The following PKD1 variants were observed in gnomAD, a reference collection of about 807,000 sequenced individuals.
PKD1 encodes the protein polycystin-1.
A neutral mutation model predicts 361.7 loss-of-function variants in PKD1; 81 were observed. That is an observed-to-expected ratio of 0.22 (90% CI 0.19 to 0.27). The LOEUF is 0.27. Among genes scored for constraint, PKD1 ranks in the 10% least tolerant of loss-of-function variants. The pLI is 1.00. For synonymous variants in PKD1, 3,615 were observed against 2,818.3 expected (o/e 1.28, Z -8.95); for missense variants, 6,399 against 6,118.3 (o/e 1.05, Z -1.53).
At position 2,102,934 on chromosome 16, in the gene PKD1, G is replaced by A. The variant is rs1567175859; in HGVS notation, c.8828C>T (p.Ala2943Val). 2.5e-6 allele frequency: 4 copies of A among 1,608,204 alleles called. No homozygotes were observed. Among genetic ancestry groups the A allele is most frequent in the Non-Finnish European group, 1.7e-6 (2 of 1,179,740 alleles). ...YLSEEPEPYL[A>V]VYLHSEPRPN... The stretch of plus-strand genomic sequence containing the variant: ...CCGGGGCTCCGAGTGTAGGTAGACT[G>A]CCAGGTAGGGCTCAGGTTCCTCAGA... The change falls in exon 24 of 46, where the codon GCA becomes GTA. Residue 2943 changes from alanine to valine, a missense_variant. By Grantham distance (64) the Ala-to-Val change is moderately conservative. Transcript: ENST00000262304.
Position 2,092,982 on chromosome 16 carries a change from G to A in PKD1, c.11128C>T (p.His3710Tyr), listed in dbSNP as rs1393725324. The change falls in exon 38 of 46, where the codon CAC becomes TAC. Residue 3710 changes from histidine to tyrosine, a missense_variant. His to Tyr is a moderately conservative substitution (Grantham distance 83). Transcript: ENST00000262304. ...RLQSAIKQEL[H>Y]SRAFLAITRS... ...GTGATGGCCAGGAAGGCCCGGCTGT[G>A]CAGCTCCTGCTTGATGGCGCTTTGC... 3 of 1,612,988 alleles carry A rather than the reference G, an allele frequency of 1.9e-6. No individual in the cohort carries two copies. Among genetic ancestry groups the A allele is most frequent in the Non-Finnish European group, 8.5e-7 (1 of 1,180,012 alleles).
rs751992221 is a variant in PKD1 at position 2,118,175 on chromosome 16, G to C, written c.817C>G (p.Pro273Ala). 2 of 1,562,448 alleles carry C rather than the reference G, an allele frequency of 1.3e-6. No homozygotes were observed. Among genetic ancestry groups the C allele is most frequent in the Non-Finnish European group, 1.7e-6 (2 of 1,156,694 alleles). The change falls in exon 5 of 46, where the codon CCA becomes GCA. Residue 273 changes from proline (P) to alanine (A), a missense_variant. By Grantham distance (27) the Pro-to-Ala change is conservative (BLOSUM62 -1). Coordinates refer to ENST00000262304, the MANE Select transcript of PKD1 (RefSeq NM_001009944.3). This position sits in a 1 kb window ranked among gnomAD's most constrained non-coding sequence, Gnocchi z 6.0. Reference sequence around the variant, plus strand: ...TGGGGCCCCACCAGGGTGGCCCCTGGGGAGGCAGGGAAGACGTGCTGGAGG... The same window carrying C: ...TGGGGCCCCACCAGGGTGGCCCCTGCGGAGGCAGGGAAGACGTGCTGGAGG... ...TLLQHVFPAS[P>A]GATLVGPHGP...
chr16:2,125,801 C>T (rs183078424), intron 1 of PKD1, among the ~76,000 whole-genome samples: 60 of 152,080 alleles, frequency 3.9e-4, no homozygotes, highest in African/African-American at 1.3e-3. Context: ...TGGAGCCAGG[C>T]GTTGTGACCC....
chr16:2,096,753 G>A (rs1438389401), intron 34 of PKD1: 2 of 231,656 alleles, frequency 8.6e-6, no homozygotes, highest in Non-Finnish European at 1.7e-5. Context: ...CTGACCTCAG[G>A]TCATCTGCCC....
Position 2,106,217 on chromosome 16 carries a change from C to G in PKD1, c.7577G>C (p.Cys2526Ser), listed in dbSNP as rs754128708. The G allele has an allele frequency of 2.5e-6, 4 of 1,610,110 alleles. No individual in the cohort carries two copies. The highest frequency in any genetic ancestry group is 2.7e-5 in the African/African-American group (2 of 74,830). Residue 2526 changes from cysteine to serine, a missense_variant, in exon 19 of 46, where the codon TGT becomes TCT. Cys to Ser is a moderately radical substitution (Grantham distance 112, BLOSUM62 -1). Transcript: ENST00000262304. The surrounding 1 kb of genome is among the most constrained non-coding windows in gnomAD (Gnocchi z 6.5). ...RCRQGHCEEF[C>S]VYKGSLSSYG... ...GCTGGAGAGGCTGCCCTTGTAGACA[C>G]AGAACTCCTCGCAGTGGCCCTGGCG...
rs780161620 is a variant in PKD1 at position 2,103,551 on chromosome 16, A to C, written c.8506T>G (p.Phe2836Val). ...IFLVDSNPFP[F>V]GYISNYTVST... ...ACGGTGTAGTTGCTGATATAGCCAA[A>C]GGGAAAGGGATTGGAGTCCACCAGA... Residue 2836 changes from phenylalanine (F) to valine (V), a missense_variant, in exon 23 of 46, where the codon TTT (phenylalanine) becomes GTT (valine). Phe to Val is a conservative substitution (Grantham distance 50). Coordinates refer to ENST00000262304, the MANE Select transcript of PKD1 (RefSeq NM_001009944.3). 6.2e-7 allele frequency: 1 copy of C among 1,609,580 alleles called. No individual in the cohort carries two copies. The highest frequency in any genetic ancestry group is 8.5e-7 in the Non-Finnish European group (1 of 1,179,686).
chr16:2,101,964 T>G (rs1298541643), intron 26 of PKD1, 97 bp downstream of exon 26: 2 of 769,568 alleles, frequency 2.6e-6, no homozygotes, highest in Non-Finnish European at 4.5e-6. Flanking sequence ...AAAAACTGCC[T>G]TGTTCTGACG....
rs71148122 is a variant in PKD1, at chr16:2,129,541, A to ATT, written c.215+5932_215+5933dup. Among the ~76,000 whole-genome samples the ATT allele has an allele frequency of 3.1e-3, 222 of 72,088 alleles. 9 individuals are homozygous for ATT. Among genetic ancestry groups the ATT allele is most frequent in the African/African-American group, 0.013 (184 of 13,710 alleles). 47.3% of individuals were successfully genotyped at this position (72,088 alleles called of 152,430 possible). A position where few individuals can be genotyped will look rare whatever the true frequency, so the allele number is the denominator to read the frequency against. On this transcript the variant is annotated intron_variant, in intron 1 of 45. Coordinates refer to ENST00000262304, the MANE Select transcript of PKD1 (RefSeq NM_001009944.3). The stretch of plus-strand genomic sequence containing the variant: ...GAGAAATCTCTGTTCAGATCCTGTG[A>ATT]TTTTTTTTTTTTTTTTTTTTTTTTT...
At chr16:2,132,737 G>A (rs938590441) in intron 1 of PKD1, among the ~76,000 whole-genome samples, 4 of 151,750 alleles carry the variant, frequency 2.6e-5, no homozygotes, top group African/African-American at 4.9e-5. Flanking sequence ...GCAGTATTGC[G>A]ATGCCCTCCA....
In PKD1 at chr16:2,102,700, C is replaced by A. The variant is rs553087481; in HGVS notation, c.8949-67G>T. On this transcript the variant is annotated intron_variant, in intron 24 of 45. Coordinates refer to ENST00000262304, the MANE Select transcript of PKD1 (RefSeq NM_001009944.3). ...CAGGTTGGATGTCGCAGTCTCAGAGCCCATACCCGGTCCAGTCCCCTCGCT... is the reference window on the plus strand; with the variant it reads ...CAGGTTGGATGTCGCAGTCTCAGAGACCATACCCGGTCCAGTCCCCTCGCT... The A allele has an allele frequency of 4.5e-5, 73 of 1,608,260 alleles. No homozygotes were observed. The East Asian group carries it at 1.5e-3, about 33-fold the overall frequency.
At position 2,106,683 on chromosome 16, in the gene PKD1, G is replaced by A. The variant is rs759723934; in HGVS notation, c.7210-6C>T. 30 of 1,591,984 alleles carry A rather than the reference G, an allele frequency of 1.9e-5. No homozygotes were observed. Among genetic ancestry groups the A allele is most frequent in the Admixed American group, 1.8e-4 (11 of 59,676 alleles). On this transcript the variant is annotated splice_polypyrimidine_tract_variant and splice_region_variant and intron_variant, in intron 17 of 45. Transcript: ENST00000262304. This position sits in a 1 kb window ranked among gnomAD's most constrained non-coding sequence, Gnocchi z 6.5. ...AACGTACGTGCAGCCCACCGCTGCA[G>A]GCAGAAGGGGTGGTGAGGGGGCGCA...
At chr16:2,104,985 G>A (rs1336543976) in intron 21 of PKD1, among the ~76,000 whole-genome samples, 5 of 95,036 alleles carry the variant, frequency 5.3e-5, no homozygotes, top group South Asian at 4.2e-4. Flanking sequence ...AGGGGAGGAG[G>A]GGAAGGGCTA....
Position 2,107,940 on chromosome 16 carries a change from G to C in PKD1, c.7008C>G (p.Tyr2336Ter), listed in dbSNP as rs2092401442. The change falls in exon 16 of 46, where the codon TAC becomes TAG. Residue 2336 changes from tyrosine to a stop codon, truncating the protein, a stop_gained. Transcript: ENST00000262304. LOFTEE classifies it high-confidence loss of function. ...CCTTCCACACGGTCAGGCTGAAGGT[G>C]TACTCCACGCCAGCCGCCAGCCGCT... ...PRERLAAGVE[Y>*]TFSLTVWKAG... The C allele has an allele frequency of 6.5e-7, 1 of 1,546,438 alleles. No individual in the cohort carries two copies. Among genetic ancestry groups the C allele is most frequent in the Non-Finnish European group, 8.7e-7 (1 of 1,146,804 alleles).
At position 2,111,031 on chromosome 16, in the gene PKD1, T is replaced by C. The variant is rs149210297; in HGVS notation, c.4136A>G (p.Glu1379Gly). The C allele has an allele frequency of 6.1e-5, 99 of 1,610,658 alleles. 1 individual carries two copies. In the African/African-American group the frequency reaches 1.0e-3, roughly 17 times the overall value. The part of the protein sequence containing the change: ...HYFTSICVEP[E>G]VGNVTLQPER... ...TGGCTGCAGGGTGACGTTGCCCACC[T>C]CTGGCTCCACGCAGATGCTGGTGAA... Residue 1379 changes from glutamate (E) to glycine (G), a missense_variant, in exon 15 of 46, where the codon GAG (glutamate) becomes GGG (glycine). Coordinates refer to ENST00000262304, the MANE Select transcript of PKD1 (RefSeq NM_001009944.3).
Position 2,099,631 on chromosome 16 carries a change from A to G in PKD1, c.10050+13T>C, listed in dbSNP as rs1284679242. 23 of 1,585,892 alleles carry G rather than the reference A, an allele frequency of 1.5e-5. No individual in the cohort carries two copies. Among genetic ancestry groups the G allele is most frequent in the Non-Finnish European group, 2.0e-5 (23 of 1,174,580 alleles). ...CCATTCCCAGTACTCCCGGGTCCCC[A>G]GCCCCAGCCCACCTTGCTCCGGGAC... On this transcript the variant is annotated intron_variant, in intron 30 of 45. Transcript: ENST00000262304.
chr16:2,092,371 G>A (rs993602080), intron 39 of PKD1, 109 bp downstream of exon 39: 12 of 973,742 alleles, frequency 1.2e-5, no homozygotes, highest in East Asian at 2.6e-5. Flanking sequence ...GTGTTAAGAG[G>A]GCAAAGGTCA....
At chr16:2,097,815 G>T in intron 31 of PKD1, 35 bp from the exon 32 acceptor site, 1 of 1,611,140 alleles carries the variant, frequency 6.2e-7, no homozygotes, top group Non-Finnish European at 8.5e-7. Flanking sequence ...TCCAAGCTGC[G>T]CCAAGGCGGC....
At chr16:2,119,619 G>A (rs949776862) in intron 1 of PKD1, among the ~76,000 whole-genome samples, 7 of 152,126 alleles carry the variant, frequency 4.6e-5, no homozygotes, top group South Asian at 2.1e-4. Flanking sequence ...GCCCTATGCC[G>A]AGTGCCACAT....
chr16:2,103,046 A>C (rs1295880834), intron 23 of PKD1, 76 bp from the exon 24 acceptor site: 2 of 1,515,208 alleles, frequency 1.3e-6, no homozygotes, highest in Admixed American at 3.4e-5. Flanking sequence ...GGCCCTCCTG[A>C]GCCCACCCTC....
Sources: gnomAD v4.1 joint callset for allele counts (sites outside exome capture counted in the v4.1 genomes callset) on GRCh38, gnomAD v4.1.1 for gene constraint, Gnocchi (gnomAD v3.1) non-coding constraint, MANE v1.5 for transcripts, NCBI Gene and HGNC (gene_info 2026-07-23, HGNC 2026-07-21) for gene names.